SYT9: variants seen among roughly 807,000 people sequenced by gnomAD.
SYT9 encodes synaptotagmin 9, also known as synaptotagmin-9.
A neutral mutation model predicts 48.4 loss-of-function variants in SYT9; 22 were observed. The ratio of observed to expected loss-of-function variants is 0.45; its 90% CI spans 0.32 to 0.65. The LOEUF (loss-of-function observed/expected upper bound fraction) is 0.65. Among genes scored for constraint, SYT9 ranks in the 30% least tolerant of loss-of-function variants. SYT9 has a pLI of 0.03. For synonymous variants in SYT9, 265 were observed against 245.0 expected, an observed-to-expected ratio of 1.08 and a Z score of -0.76; for missense variants, 577 against 622.0, an observed-to-expected ratio of 0.93 and a Z score of 0.77.
chr11:7,466,742 AAAAT>A (rs1321859951), intron 6 of SYT9, 46 bp from the exon 7 acceptor site: 1 of 1,591,540 alleles, frequency 6.3e-7, no homozygotes, highest in African/African-American at 1.4e-5. Context: ...AAAAAGAAAA[AAAAT>A]GTATGAATGA....
Position 7,420,615 on chromosome 11 carries a change from C to G in SYT9, c.1447C>G (p.His483Asp). 1 of 1,614,200 alleles carries G rather than the reference C, an allele frequency of 6.2e-7. No individual in the cohort carries two copies. The highest frequency in any genetic ancestry group is 8.5e-7 in the Non-Finnish European group (1 of 1,180,022). Residue 483 changes from histidine (H) to aspartate (D), a missense_variant, in exon 6 of 7, where the codon CAC becomes GAC. Coordinates refer to ENST00000318881, the MANE Select transcript of SYT9 (RefSeq NM_175733.4). ...MLSYPRKPIA[H>D]WHSLVEKR Reference sequence around the variant, plus strand: ...GTCATATCCTCGGAAGCCCATTGCACACTGGCATTCCCTGGTGGAGGTAAG... The same window carrying G: ...GTCATATCCTCGGAAGCCCATTGCAGACTGGCATTCCCTGGTGGAGGTAAG...
At chr11:7,331,206 CA>C (rs1849521415) in intron 3 of SYT9, among the ~76,000 whole-genome samples, 1 of 79,086 alleles carries the variant, frequency 1.3e-5, no homozygotes, top group South Asian at 6.4e-4. Flanking sequence ...AAAAAATGTG[CA>C]AAAGGGATAG....
chr11:7,326,625 C>G (rs936657447), intron 3 of SYT9, among the ~76,000 whole-genome samples: 2 of 147,076 alleles, frequency 1.4e-5, no homozygotes, highest in Non-Finnish European at 3.0e-5. Flanking sequence ...CAATCCTAAG[C>G]CAAAAGAACA....
chr11:7,422,543 G>A (rs945763360), intron 6 of SYT9, among the ~76,000 whole-genome samples: 2 of 150,444 alleles, frequency 1.3e-5, no homozygotes, highest in African/African-American at 2.5e-5. Context: ...CCTGTCACTA[G>A]CAGTGGCATT....
In SYT9 at chr11:7,429,374, G is replaced by A. The variant is rs188629758; in HGVS notation, c.1467+8739G>A. On this transcript the variant is annotated intron_variant, in intron 6 of 6. Coordinates refer to ENST00000318881, the MANE Select transcript of SYT9 (RefSeq NM_175733.4). ...TATAAACAAAGCACTATATACCCTGGGAGCAGCTGTGGCTTCTTTGGATCT... is the reference window on the plus strand; with the variant it reads ...TATAAACAAAGCACTATATACCCTGAGAGCAGCTGTGGCTTCTTTGGATCT... Among the ~76,000 whole-genome samples the A allele has an allele frequency of 2.7e-3, 405 of 152,240 alleles. 3 individuals are homozygous for A. The highest frequency in any genetic ancestry group is 9.6e-3 in the African/African-American group (398 of 41,542).
intron 3 of SYT9, among the ~76,000 whole-genome samples, chr11:7,371,799 G>C (rs1451185693): frequency 6.6e-6 from 1 of 152,096 alleles, no homozygotes; most frequent in African/African-American, 2.4e-5. Context: ...TGCCTTTGAT[G>C]TTCATCTATG....
intron 3 of SYT9, among the ~76,000 whole-genome samples, chr11:7,385,342 G>A (rs528792591): frequency 3.4e-5 from 2 of 58,242 alleles, no homozygotes; most frequent in Non-Finnish European, 9.5e-5. Flanking sequence ...TGTTTGCTCT[G>A]TGTGTGTGTG....
chr11:7,255,329 ACG>A (rs1197592547), intron 1 of SYT9, among the ~76,000 whole-genome samples: 1 of 107,892 alleles, frequency 9.3e-6, no homozygotes, highest in African/African-American at 3.2e-5. Context: ...GAGTGATAAG[ACG>A]TGTATGGTCA....
chr11:7,328,388 C>T (rs1270964813), intron 3 of SYT9, among the ~76,000 whole-genome samples: 1 of 151,910 alleles, frequency 6.6e-6, no homozygotes, highest in Non-Finnish European at 1.5e-5. Flanking sequence ...TTTACTTTCT[C>T]CCTTCTACCA....
At chr11:7,406,348 G>C (rs111827570) in intron 3 of SYT9, among the ~76,000 whole-genome samples, 12 of 151,804 alleles carry the variant, frequency 7.9e-5, no homozygotes, top group Middle Eastern at 3.4e-3. Context: ...CTACCCTCTG[G>C]TATCTACTAT....
At chr11:7,367,870 C>G (rs1431443149) in intron 3 of SYT9, among the ~76,000 whole-genome samples, 1 of 152,200 alleles carries the variant, frequency 6.6e-6, no homozygotes. Flanking sequence ...ACATTAAGAA[C>G]TAACATTTCC....
intron 2 of SYT9, among the ~76,000 whole-genome samples, chr11:7,305,699 G>T (rs1373302792): frequency 6.6e-6 from 1 of 152,044 alleles, no homozygotes; most frequent in Non-Finnish European, 1.5e-5. Context: ...TTCTCATTAT[G>T]TTCTTTACTT....
At chr11:7,251,623 T>C (rs926460494), upstream of SYT9, among the ~76,000 whole-genome samples, 30 of 152,300 alleles carry the variant, frequency 2.0e-4, no homozygotes, top group African/African-American at 6.7e-4. Context: ...GAACGTGCTT[T>C]GGACACACTC....
At chr11:7,432,570 AAAAAAAAAAAAAATATATATACATATAT>A (rs1847608388) in intron 6 of SYT9, among the ~76,000 whole-genome samples, 20 of 16,882 alleles carry the variant, frequency 1.2e-3, no homozygotes, top group South Asian at 2.3e-3. Context: ...AAAAAAAAAA[AAAAAAAAAAAAAATATATATACATATAT>A]ATATATATAT....
chr11:7,297,081 TGTGTGA>T (rs199580227), intron 1 of SYT9, among the ~76,000 whole-genome samples: 11,434 of 117,484 alleles, frequency 0.097, 591 homozygotes, highest in African/African-American at 0.18. Flanking sequence ...TGTGTGTGTG[TGTGTGA>T]GAGAGAGAGA....
intron 6 of SYT9, among the ~76,000 whole-genome samples, chr11:7,422,799 CT>C (rs1277721527): frequency 4.6e-5 from 7 of 152,056 alleles, no homozygotes; most frequent in Non-Finnish European, 8.8e-5. Flanking sequence ...ACACGGGTCC[CT>C]GAGTGGCAGT....
chr11:7,284,388 G>A (rs2133907622), intron 1 of SYT9, among the ~76,000 whole-genome samples: 1 of 152,110 alleles, frequency 6.6e-6, no homozygotes, highest in East Asian at 1.9e-4. Context: ...ACATTCTCAA[G>A]TAAATTTTTC....
At chr11:7,385,102 A>G (rs1451185090) in intron 3 of SYT9, among the ~76,000 whole-genome samples, 2 of 152,056 alleles carry the variant, frequency 1.3e-5, no homozygotes, top group Non-Finnish European at 2.9e-5. Context: ...TGTGTATTAT[A>G]TGTATACTTC....
upstream of SYT9, among the ~76,000 whole-genome samples, chr11:7,251,132 A>ACCCACC (rs1554895823): frequency 4.6e-4 from 59 of 127,960 alleles, 1 homozygote; most frequent in African/African-American, 1.5e-3. Flanking sequence ...ACACACACAC[A>ACCCACC]CCCAGAGTAC....
Sources: allele counts gnomAD v4.1 joint callset (sites outside exome capture counted in the v4.1 genomes callset), GRCh38; gene constraint gnomAD v4.1.1; transcripts MANE v1.5; gene names NCBI Gene and HGNC (gene_info 2026-07-23, HGNC 2026-07-21).